The following EPS8 variants were observed in gnomAD, a reference collection of about 807,000 sequenced individuals.
The protein encoded by EPS8 is EGFR pathway substrate 8, signaling adaptor, also known as epidermal growth factor receptor kinase substrate 8.
Under a neutral mutation model 103.8 loss-of-function variants are expected in EPS8, and 42 were observed. The ratio of observed to expected loss-of-function variants is 0.40; its 90% CI spans 0.32 to 0.52. EPS8 has a LOEUF of 0.52. Ranked by LOEUF, EPS8 falls within the 20% of genes least tolerant of loss-of-function variation. The pLI, the probability that EPS8 is intolerant of heterozygous loss-of-function variation, is 0.40. For synonymous variants in EPS8, 344 were observed against 344.6 expected (o/e 1.00, Z 0.02); for missense variants, 969 against 1,005.1 (o/e 0.96, Z 0.49).
chr12:15,669,122 G>A (rs1040905237), intron 6 of EPS8, among the ~76,000 whole-genome samples: 1 of 152,112 alleles, frequency 6.6e-6, no homozygotes, highest in Non-Finnish European at 1.5e-5. Flanking sequence ...CCAAACCCCT[G>A]GCCTCAAGCC....
intron 13 of EPS8, among the ~76,000 whole-genome samples, chr12:15,653,376 G>A (rs532447305): frequency 2.6e-5 from 4 of 152,272 alleles, no homozygotes; most frequent in East Asian, 3.9e-4. Context: ...CTGAAAGCCT[G>A]CATAATCCAG....
rs771556132 is a variant in EPS8 at position 15,665,895 on chromosome 12, T to TA, written c.600-4dup. ...TAGGGTCTGCATTGGAAATCATCCT[T>TA]AAAAAGATGAAAACAAATAGAATTT... On this transcript the variant is annotated splice_polypyrimidine_tract_variant and splice_region_variant and intron_variant, in intron 7 of 20. Coordinates refer to ENST00000281172, the MANE Select transcript of EPS8 (RefSeq NM_004447.6). 8 of 1,613,004 alleles carry TA rather than the reference T, an allele frequency of 5.0e-6. No homozygotes were observed. Among genetic ancestry groups the TA allele is most frequent in the Non-Finnish European group, 6.8e-6 (8 of 1,179,660 alleles).
intron 17 of EPS8, among the ~76,000 whole-genome samples, chr12:15,637,667 T>A (rs1489489039): frequency 1.3e-5 from 2 of 152,236 alleles, no homozygotes; most frequent in Non-Finnish European, 2.9e-5. Context: ...TTTGGCAGCA[T>A]GGTGCAGGAA....
chr12:15,641,706 G>GA lies in EPS8; in HGVS notation c.1677+15dup, dbSNP rs1305726484. On this transcript the variant is annotated intron_variant, in intron 16 of 20. Transcript: ENST00000281172. ...ACTACTTTATTAAGAGTATAAAAAA[G>GA]AAAAAATTATATTACCTCTAAAATA... 1 of 1,376,060 alleles carries GA rather than the reference G, an allele frequency of 7.3e-7. No individual in the cohort carries two copies. The highest frequency in any genetic ancestry group is 2.4e-5 in the East Asian group (1 of 41,714). 85.2% of individuals were successfully genotyped at this position (1,376,060 alleles called of 1,614,324 possible). A position where few individuals can be genotyped will look rare whatever the true frequency, so the allele number is the denominator to read the frequency against.
In EPS8 at chr12:15,677,856, G is replaced by A. The variant is rs563079103; in HGVS notation, c.136+3370C>T. 2.0e-5 allele frequency among the ~76,000 whole-genome samples: 3 copies of A among 152,200 alleles called. No individual in the cohort carries two copies. In the South Asian group the frequency reaches 6.2e-4, roughly 32 times the overall value. On this transcript the variant is annotated intron_variant, in intron 3 of 20. Transcript: ENST00000281172. Reference sequence around the variant, plus strand: ...ATGCCTGTGGAATGAATGGACAGATGGATGAATGACAAGGGAGAAATATGT... The same window carrying A: ...ATGCCTGTGGAATGAATGGACAGATAGATGAATGACAAGGGAGAAATATGT...
At chr12:15,628,644 A>G (rs181091876) in intron 18 of EPS8, among the ~76,000 whole-genome samples, 17 of 152,382 alleles carry the variant, frequency 1.1e-4, no homozygotes, top group African/African-American at 3.8e-4. Flanking sequence ...TTGAATAGGC[A>G]ACACACAGAC....
intron 8 of EPS8, among the ~76,000 whole-genome samples, chr12:15,663,992 T>C (rs939255492): frequency 2.9e-5 from 4 of 139,410 alleles, no homozygotes; most frequent in Non-Finnish European, 4.6e-5. Flanking sequence ...CACACATATA[T>C]ATATGGTTCA....
rs960382059 is a variant in EPS8 at position 15,657,992 on chromosome 12, A to G, written c.1101+87T>C. 1.5e-5 allele frequency: 12 copies of G among 791,320 alleles called. No homozygotes were observed. The South Asian group carries it at 1.8e-4, about 12-fold the overall frequency. 49.0% of individuals were successfully genotyped at this position (791,320 alleles called of 1,614,324 possible). The stretch of plus-strand genomic sequence containing the variant: ...AAATAGTACCCACGCAAGGTAATGA[A>G]GAAAAGCAGTCTAGATAATCCAGAC... On this transcript the variant is annotated intron_variant, in intron 12 of 20. Coordinates refer to ENST00000281172, the MANE Select transcript of EPS8 (RefSeq NM_004447.6).
chr12:15,731,269 T>C lies in EPS8; in HGVS notation c.-21-48297A>G, dbSNP rs1375669582. ...GAAGACAAATTCAGAATATAAAACT[T>C]TAATAAGCCTTCCACCATTAAAAAT... On this transcript the variant is annotated intron_variant, in intron 1 of 20. Transcript: ENST00000281172. The surrounding 1 kb of genome is among the most constrained non-coding windows in gnomAD (Gnocchi z 5.1). 3.9e-5 allele frequency among the ~76,000 whole-genome samples: 6 copies of C among 152,166 alleles called. No homozygotes were observed. Among genetic ancestry groups the C allele is most frequent in the Admixed American group, 3.9e-4 (6 of 15,276 alleles).
intron 1 of EPS8, among the ~76,000 whole-genome samples, chr12:15,703,796 C>T (rs1409469350): frequency 7.3e-6 from 1 of 137,644 alleles, no homozygotes; most frequent in African/African-American, 2.8e-5. Context: ...TTGTATCTGT[C>T]TCTTTCATTT....
chr12:15,638,786 C>T (rs748841259), intron 17 of EPS8, among the ~76,000 whole-genome samples: 9 of 152,176 alleles, frequency 5.9e-5, no homozygotes, highest in Non-Finnish European at 2.9e-5. Flanking sequence ...TTGACATTCT[C>T]TGAAAATACT....
At position 15,623,289 on chromosome 12, in the gene EPS8, T is replaced by TAA. The variant is rs35885542; in HGVS notation, c.2226-4_2226-3dup. 742 of 1,328,248 alleles carry TAA rather than the reference T, an allele frequency of 5.6e-4. No individual in the cohort carries two copies. The highest frequency in any genetic ancestry group is 3.2e-3 in the African/African-American group (209 of 65,292). The allele number at this position is 1,328,248 out of a possible 1,614,324, so 82.3% of individuals were successfully genotyped here. A position where few individuals can be genotyped will look rare whatever the true frequency, so the allele number is the denominator to read the frequency against. ...AATACTCCAAGACTATTGACAGTCC[T>TAA]AAAAAAAAAAAAAGGAAAAAGAAAC... On this transcript the variant is annotated splice_region_variant and splice_polypyrimidine_tract_variant and intron_variant, in intron 19 of 20. Coordinates refer to ENST00000281172, the MANE Select transcript of EPS8 (RefSeq NM_004447.6).
chr12:15,646,027 T>G (rs1463875244), intron 15 of EPS8, among the ~76,000 whole-genome samples: 1 of 152,168 alleles, frequency 6.6e-6, no homozygotes, highest in Non-Finnish European at 1.5e-5. Flanking sequence ...GAATACTTAG[T>G]TAAGGATTTC....
chr12:15,625,153 G>T (rs777218095), intron 18 of EPS8, among the ~76,000 whole-genome samples: 2 of 152,154 alleles, frequency 1.3e-5, no homozygotes, highest in Non-Finnish European at 2.9e-5. Context: ...ACCTCCGTAA[G>T]TTCCTCTAGT....
rs917372638 is a variant in EPS8 at position 15,761,629 on chromosome 12, C to T, written c.-22+27532G>A. Among the ~76,000 whole-genome samples, 3 of 151,970 alleles carry T rather than the reference C, an allele frequency of 2.0e-5. No individual in the cohort carries two copies. Among genetic ancestry groups the T allele is most frequent in the Admixed American group, 1.3e-4 (2 of 15,254 alleles). On this transcript the variant is annotated intron_variant, in intron 1 of 20. Coordinates refer to ENST00000281172, the MANE Select transcript of EPS8 (RefSeq NM_004447.6). The surrounding 1 kb of genome is among the most constrained non-coding windows in gnomAD (Gnocchi z 4.5). ...AGAATAGAGAACCCAGAAACAAATCCACACATCTACAGTCGACTCATTTTC... is the reference window on the plus strand; with the variant it reads ...AGAATAGAGAACCCAGAAACAAATCTACACATCTACAGTCGACTCATTTTC...
chr12:15,718,498 A>T (rs761726478), intron 1 of EPS8, among the ~76,000 whole-genome samples: 37 of 152,210 alleles, frequency 2.4e-4, no homozygotes, highest in Admixed American at 1.9e-3. Flanking sequence ...GACTCTGCTG[A>T]AACACAATAG....
chr12:15,705,972 A>G (rs1210187635), intron 1 of EPS8, among the ~76,000 whole-genome samples: 1 of 151,536 alleles, frequency 6.6e-6, no homozygotes, highest in Non-Finnish European at 1.5e-5. Flanking sequence ...AAATTCTTGT[A>G]CAATCAGAGG....
intron 3 of EPS8, among the ~76,000 whole-genome samples, chr12:15,680,200 A>T (rs1309871349): frequency 6.6e-6 from 1 of 152,236 alleles, no homozygotes; most frequent in Admixed American, 6.5e-5. Flanking sequence ...ATTCACTAAC[A>T]TAGGTAGAAA....
chr12:15,669,461 C>G lies in EPS8; in HGVS notation c.442G>C (p.Val148Leu). ...GGCTCTTTGCACACCAGTGCAAGAACTGAATCATAGCTGCATGAATGCATC... is the reference window on the plus strand; with the variant it reads ...GGCTCTTTGCACACCAGTGCAAGAAGTGAATCATAGCTGCATGAATGCATC... ...AVMHSCSYDS[V>L]LALVCKEPTQ... is the part of the protein sequence containing the mutation. The change falls in exon 6 of 21, where the codon GTT (valine) becomes CTT (leucine). Residue 148 changes from valine (V) to leucine (L), a missense_variant. Val to Leu is a conservative substitution (Grantham distance 32). Transcript: ENST00000281172. The G allele has an allele frequency of 6.2e-7, 1 of 1,614,000 alleles. No homozygotes were observed.
Sources: allele counts gnomAD v4.1 joint callset (sites outside exome capture counted in the v4.1 genomes callset), GRCh38; gene constraint gnomAD v4.1.1; non-coding constraint Gnocchi (gnomAD v3.1); transcripts MANE v1.5; gene names NCBI Gene and HGNC (gene_info 2026-07-23, HGNC 2026-07-21).